Variants in USH2A observed in about 807,000 individuals in gnomAD.
USH2A encodes the protein usherin.
Under a neutral mutation model 538.9 loss-of-function variants are expected in USH2A, and 443 were observed. The observed-to-expected ratio is 0.82, with a 90% CI of 0.76 to 0.89. The LOEUF is 0.89. Among genes scored for constraint, USH2A ranks in the 40% least tolerant of loss-of-function variants. The probability of loss-of-function intolerance (pLI) is 0.00; values close to 1 mark genes in which losing one functional copy is unlikely to be tolerated. For missense variants in USH2A, 6,633 were observed against 6,324.8 expected, an observed-to-expected ratio of 1.05 and a Z score of -1.65; for synonymous variants, 2,413 against 2,273.5, an observed-to-expected ratio of 1.06 and a Z score of -1.75.
intron 13 of USH2A, among the ~76,000 whole-genome samples, chr1:216,240,995 T>A (rs2035925811): frequency 6.6e-6 from 1 of 152,182 alleles, no homozygotes; most frequent in African/African-American, 2.4e-5. Flanking sequence ...TTTTGTTTCC[T>A]AGAAATGCCA....
Position 215,889,051 on chromosome 1 carries a change from G to C in USH2A, c.7598C>G (p.Pro2533Arg), listed in dbSNP as rs1057348156. The change falls in exon 41 of 72, where the codon CCT (proline) becomes CGT (arginine). Residue 2533 changes from proline to arginine, a missense_variant. Transcript: ENST00000307340. ...AAGAATCGGAGGAACTACAGGTCCA[G>C]GTTCTGTAAAGTAAAATAAATCCAG... is the stretch of plus-strand genomic sequence containing the variant. ...WIPFMTAEDK[P>R]GPVVPPILLD... The C allele has an allele frequency of 2.5e-6, 4 of 1,613,454 alleles. No homozygotes were observed. In the African/African-American group the frequency reaches 4.0e-5, roughly 16 times the overall value.
chr1:215,772,191 C>A (rs963546377), intron 55 of USH2A, among the ~76,000 whole-genome samples: 2 of 151,994 alleles, frequency 1.3e-5, no homozygotes, highest in Non-Finnish European at 2.9e-5. Flanking sequence ...AAAGGGCACA[C>A]CAATTGAAAA....
intron 3 of USH2A, among the ~76,000 whole-genome samples, chr1:216,374,729 A>C (rs527738419): frequency 6.6e-6 from 1 of 152,286 alleles, no homozygotes; most frequent in African/African-American, 2.4e-5. Context: ...TCAGTGCTCA[A>C]GTTGTTCCAG....
intron 61 of USH2A, among the ~76,000 whole-genome samples, chr1:215,688,268 C>T (rs1237781742): frequency 6.6e-6 from 1 of 151,940 alleles, no homozygotes; most frequent in Non-Finnish European, 1.5e-5. Context: ...GCTAGTGCGA[C>T]CAAGCTGGGT....
chr1:215,904,539 C>T (rs912033276), intron 38 of USH2A, among the ~76,000 whole-genome samples: 1 of 152,068 alleles, frequency 6.6e-6, no homozygotes, highest in Non-Finnish European at 1.5e-5. Context: ...CTTAGAGGCT[C>T]CTTAGCACCA....
chr1:216,290,890 C>G (rs758506481), intron 10 of USH2A, among the ~76,000 whole-genome samples: 3 of 147,704 alleles, frequency 2.0e-5, no homozygotes, highest in Non-Finnish European at 2.9e-5. Context: ...CTTCCCTTGC[C>G]TACACTCTGC....
intron 47 of USH2A, among the ~76,000 whole-genome samples, chr1:215,820,951 T>C (rs9887827): frequency 0.39 from 59,551 of 151,696 alleles, 12,092 homozygotes; most frequent in Admixed American, 0.52. Context: ...TAAGAGTCCA[T>C]TGTGTATATG....
intron 55 of USH2A, among the ~76,000 whole-genome samples, chr1:215,777,091 G>A (rs1661487515): frequency 6.6e-6 from 1 of 151,918 alleles, no homozygotes; most frequent in African/African-American, 2.4e-5. Flanking sequence ...TTGGTCAAAG[G>A]ACTCCTAAAG....
intron 5 of USH2A, 79 bp from the exon 6 acceptor site, chr1:216,325,678 G>GACAT: frequency 1.4e-6 from 2 of 1,397,922 alleles, no homozygotes; most frequent in Non-Finnish European, 2.0e-6. Context: ...ACAAATGAAT[G>GACAT]TCACTCGTTT....
intron 14 of USH2A, among the ~76,000 whole-genome samples, chr1:216,227,468 G>C (rs370775465): frequency 3.5e-4 from 53 of 152,228 alleles, no homozygotes; most frequent in African/African-American, 1.3e-3. Context: ...TTTGTAGGCA[G>C]TTATGATATT....
At chr1:215,888,302 T>A in intron 41 of USH2A, 124 bp downstream of exon 41, 1 of 1,468,890 alleles carries the variant, frequency 6.8e-7, no homozygotes, top group Non-Finnish European at 9.3e-7. Flanking sequence ...AAACCCAGTT[T>A]CTCCAGTGAA....
chr1:216,326,497 G>T (rs1035106674), intron 5 of USH2A, among the ~76,000 whole-genome samples: 9 of 152,132 alleles, frequency 5.9e-5, no homozygotes, highest in African/African-American at 2.2e-4. Flanking sequence ...AAAGCTACCA[G>T]TATAGAATCC....
At position 216,307,094 on chromosome 1, in the gene USH2A, T is replaced by TAA. The variant is rs2037331174; in HGVS notation, c.1645-14726_1645-14725dup. Among the ~76,000 whole-genome samples the TAA allele has an allele frequency of 2.6e-5, 4 of 152,156 alleles. No individual in the cohort carries two copies. In the South Asian group the frequency reaches 8.3e-4, roughly 32 times the overall value. On this transcript the variant is annotated intron_variant, in intron 9 of 71. Transcript: ENST00000307340. ...CAAGCTTGCTCTAGAGTCTCCTGGA[T>TAA]AAGTTTCTCAGGCGGTGGTCAGGGC...
intron 20 of USH2A, among the ~76,000 whole-genome samples, chr1:216,189,557 C>T (rs1370649460): frequency 6.6e-6 from 1 of 151,894 alleles, no homozygotes; most frequent in Non-Finnish European, 1.5e-5. Flanking sequence ...CCAGTTAGTC[C>T]TGAATGAAGC....
intron 38 of USH2A, among the ~76,000 whole-genome samples, chr1:215,909,389 G>A (rs1048497351): frequency 6.6e-6 from 1 of 151,844 alleles, no homozygotes; most frequent in African/African-American, 2.4e-5. Context: ...TTATATATTA[G>A]CCTAAAGCCA....
Position 215,900,894 on chromosome 1 carries a change from C to A in USH2A, c.7312G>T (p.Val2438Leu). 1 of 1,613,444 alleles carries A rather than the reference C, an allele frequency of 6.2e-7. No homozygotes were observed. Among genetic ancestry groups the A allele is most frequent in the Non-Finnish European group, 8.5e-7 (1 of 1,179,672 alleles). Residue 2438 changes from valine to leucine, a missense_variant, in exon 39 of 72, where the codon GTG (valine) becomes TTG (leucine). Val to Leu is a conservative substitution (Grantham distance 32). Coordinates refer to ENST00000307340, the MANE Select transcript of USH2A (RefSeq NM_206933.4). ...GCAGATGAAAGCCTGGGAGGCAGCA[C>A]GCCATCTGGAGCTGTCGAAAAACAC... The part of the protein sequence containing the change: ...IAMPPGAPDG[V>L]LPPRLSSATP...
intron 21 of USH2A, among the ~76,000 whole-genome samples, chr1:216,169,401 A>G (rs1249128590): frequency 6.6e-6 from 1 of 152,148 alleles, no homozygotes; most frequent in Non-Finnish European, 1.5e-5. Flanking sequence ...GCAAGGGTTA[A>G]AACACATGCA....
intron 32 of USH2A, among the ~76,000 whole-genome samples, chr1:216,008,567 G>T (rs1668464788): frequency 6.6e-6 from 1 of 152,140 alleles, no homozygotes; most frequent in South Asian, 2.1e-4. Context: ...TTGGTGCCGT[G>T]ACTCGGATCG....
intron 21 of USH2A, among the ~76,000 whole-genome samples, chr1:216,161,704 A>G (rs2034063092): frequency 6.6e-6 from 1 of 151,880 alleles, no homozygotes; most frequent in African/African-American, 2.4e-5. Flanking sequence ...CAGTCTTTTG[A>G]TGATAACTTT....
Sources: gnomAD v4.1 joint callset for allele counts (sites outside exome capture counted in the v4.1 genomes callset) on GRCh38, gnomAD v4.1.1 for gene constraint, MANE v1.5 for transcripts, NCBI Gene and HGNC (gene_info 2026-07-23, HGNC 2026-07-21) for gene names.